NEB: variants seen among roughly 807,000 people sequenced by gnomAD.
NEB encodes the protein nebulin.
NEB carries 512 observed loss-of-function variants against 952.2 expected under a neutral mutation model. The ratio of observed to expected loss-of-function variants is 0.54; its 90% confidence interval spans 0.50 to 0.58. The LOEUF is 0.58. NEB is among the 20% of genes least tolerant of loss of function. NEB has a pLI of 0.00. For synonymous variants in NEB, 2,900 were observed against 3,149.8 expected, an observed-to-expected ratio of 0.92 and a Z score of 2.66; for missense variants, 8,428 against 9,231.1, an observed-to-expected ratio of 0.91 and a Z score of 3.56.
At chr2:151,512,019 C>CTTTTTTTTTTTTT (rs71403173) in intron 161 of NEB, among the ~76,000 whole-genome samples, 2 of 93,586 alleles carry the variant, frequency 2.1e-5, no homozygotes, top group African/African-American at 4.3e-5. Context: ...CCCTCTCACT[C>CTTTTTTTTTTTTT]TTTTTTTTTT....
At chr2:151,733,213 A>AT (rs1224850361) in intron 2 of NEB, 28 bp from the exon 3 acceptor site, 6 of 1,440,350 alleles carry the variant, frequency 4.2e-6, no homozygotes, top group Non-Finnish European at 5.8e-6. Context: ...AAATGAAAAC[A>AT]TATTAGAGTC....
intron 56 of NEB, among the ~76,000 whole-genome samples, 157 bp downstream of exon 56, chr2:151,644,311 C>A (rs2098925967): frequency 6.6e-6 from 1 of 152,190 alleles, no homozygotes; most frequent in Non-Finnish European, 1.5e-5. Context: ...ATAATAAATG[C>A]ATCCTTGATC....
chr2:151,680,647 C>T, intron 30 of NEB, 83 bp downstream of exon 30: 1 of 1,032,582 alleles, frequency 9.7e-7, no homozygotes, highest in Non-Finnish European at 1.5e-6. Context: ...TGTATAATAA[C>T]TAGAGGTGAT....
rs577883889 is a variant in NEB, at chr2:151,543,270, A to T, written c.20578-1719T>A. ...GATACCAAATAAATTCTAATCATGG[A>T]TATAAATACCAGTTGAACAGATAAA... On this transcript the variant is annotated intron_variant, in intron 135 of 181. Transcript: ENST00000397345. Among the ~76,000 whole-genome samples the T allele has an allele frequency of 2.1e-4, 32 of 152,354 alleles. No homozygotes were observed. The South Asian group carries it at 6.2e-3, about 30-fold the overall frequency.
chr2:151,650,177 T>G lies in NEB; in HGVS notation c.7430A>C (p.Asp2477Ala). The stretch of plus-strand genomic sequence containing the variant: ...ATTTATTTCCAGAGTGCTACTCACA[T>G]CACTCCTATTTTTGGCATTTGTCTT... ...LAKTNAKNRS[D>A]RLYREAWDKD... is the part of the protein sequence containing the mutation. The change falls in exon 54 of 182, where the codon GAT becomes GCT. Residue 2477 changes from aspartate to alanine, a missense_variant and splice_region_variant. Asp to Ala is a moderately radical substitution (Grantham distance 126). This residue lies in a region of NEB where 1,772 missense variants were observed against 1,960.3 expected (regional missense o/e 0.90). Transcript: ENST00000397345. 1 of 1,612,738 alleles carries G rather than the reference T, an allele frequency of 6.2e-7. No individual in the cohort carries two copies.
intron 34 of NEB, among the ~76,000 whole-genome samples, chr2:151,675,738 A>G (rs575199748): frequency 1.3e-5 from 2 of 151,946 alleles, no homozygotes; most frequent in Non-Finnish European, 2.9e-5. Context: ...CATTTTTGTT[A>G]GTTTCTATTT....
At chr2:151,499,575 T>G (rs1177609979) in intron 168 of NEB, 185 bp from the exon 169 acceptor site, 1 of 468,122 alleles carries the variant, frequency 2.1e-6, no homozygotes, top group African/African-American at 2.1e-5. Context: ...TAGTGAAATA[T>G]CAGTGTATTT....
Position 151,692,956 on chromosome 2 carries a change from C to T in NEB, c.1897-594G>A, listed in dbSNP as rs148205046. ...CTGCACCCCAGCCTGGATGACAGAG[C>T]GAGAGCCTGTCTCAAAAAACAAAGA... On this transcript the variant is annotated intron_variant, in intron 20 of 181. Coordinates refer to ENST00000397345, the MANE Select transcript of NEB (RefSeq NM_001164508.2). 7.3e-4 allele frequency among the ~76,000 whole-genome samples: 111 copies of T among 152,042 alleles called. No homozygotes were observed. The East Asian group carries it at 0.013, about 17-fold the overall frequency.
At chr2:151,687,882 T>G (rs1576375355) in intron 25 of NEB, 149 bp from the exon 26 acceptor site, 1 of 793,102 alleles carries the variant, frequency 1.3e-6, no homozygotes, top group East Asian at 2.7e-5. Flanking sequence ...TATTGATTTA[T>G]CTATCATCCA....
At position 151,543,314 on chromosome 2, in the gene NEB, C is replaced by T. The variant is rs563322824; in HGVS notation, c.20578-1763G>A. ...AGATAAAACGTAAGAAACACAGGCA[C>T]ACACATCAATTTCTTTAAATCTGAA... On this transcript the variant is annotated intron_variant, in intron 135 of 181. Coordinates refer to ENST00000397345, the MANE Select transcript of NEB (RefSeq NM_001164508.2). 2.0e-5 allele frequency among the ~76,000 whole-genome samples: 3 copies of T among 152,316 alleles called. No homozygotes were observed. In the South Asian group the frequency reaches 6.2e-4, roughly 32 times the overall value.
Position 151,506,966 on chromosome 2 carries a change from AACTGTAATTTTTCCTTT to A in NEB, c.23482_23498del (p.Lys7828CysfsTer23), listed in dbSNP as rs2069559480. The A allele has an allele frequency of 6.2e-7, 1 of 1,611,510 alleles. No individual in the cohort carries two copies. The highest frequency in any genetic ancestry group is 1.3e-5 in the African/African-American group (1 of 74,854). ...GCAGTATTTCTGGCGTGTCTTGAAC[AACTGTAATTTTTCCTTT>A]ACTGTTTTTAAGGTCACACTGGTAT... On this transcript the variant is annotated frameshift_variant, in exon 163 of 182. Transcript: ENST00000397345. LOFTEE classifies it high-confidence loss of function.
In NEB at chr2:151,656,308, G is replaced by A. The variant is rs1170184242; in HGVS notation, c.6340C>T (p.His2114Tyr). 2 of 1,613,548 alleles carry A rather than the reference G, an allele frequency of 1.2e-6. No individual in the cohort carries two copies. Among genetic ancestry groups the A allele is most frequent in the Non-Finnish European group, 1.7e-6 (2 of 1,179,742 alleles). Residue 2114 changes from histidine (H) to tyrosine (Y), a missense_variant, in exon 49 of 182, where the codon CAC becomes TAC. This residue lies in a region of NEB where 2,851 missense variants were observed against 2,791.5 expected (regional missense o/e 1.02). Transcript: ENST00000397345. The part of the protein sequence containing the change: ...KNYENTKTSY[H>Y]TPADMLSVTA... Reference sequence around the variant, plus strand: ...ACACTGAGCATGTCGGCAGGGGTGTGGTAGCTGGTCTTTGTGTTCTCATAG... The same window carrying A: ...ACACTGAGCATGTCGGCAGGGGTGTAGTAGCTGGTCTTTGTGTTCTCATAG...
intron 27 of NEB, among the ~76,000 whole-genome samples, 159 bp downstream of exon 27, chr2:151,687,260 A>G (rs1251716417): frequency 6.6e-6 from 1 of 152,206 alleles, no homozygotes; most frequent in Non-Finnish European, 1.5e-5. Context: ...GGGAGGCACA[A>G]TAATCCAGGG....
intron 166 of NEB, 70 bp downstream of exon 166, chr2:151,503,279 T>TA: frequency 1.7e-6 from 2 of 1,184,348 alleles, no homozygotes; most frequent in Non-Finnish European, 2.5e-6. Context: ...TTACTTTCTT[T>TA]AAAAAAGATG....
At chr2:151,694,893 T>C (rs948351656) in intron 18 of NEB, among the ~76,000 whole-genome samples, 13 of 152,214 alleles carry the variant, frequency 8.5e-5, no homozygotes, top group Non-Finnish European at 1.6e-4. Context: ...TTCCTAACAC[T>C]GAATGTTTTA....
intron 9 of NEB, among the ~76,000 whole-genome samples, chr2:151,720,110 A>G (rs2099770217): frequency 6.6e-6 from 1 of 151,970 alleles, no homozygotes; most frequent in South Asian, 2.1e-4. Context: ...TTCTGTTGTT[A>G]TGGAGAATAA....
chr2:151,676,789 C>T (rs1272983712), intron 34 of NEB, among the ~76,000 whole-genome samples: 1 of 152,150 alleles, frequency 6.6e-6, no homozygotes, highest in Non-Finnish European at 1.5e-5. Flanking sequence ...GATGACAATG[C>T]TCTGTTTGTA....
intron 13 of NEB, among the ~76,000 whole-genome samples, chr2:151,702,286 G>T (rs988738733): frequency 6.6e-6 from 1 of 151,918 alleles, no homozygotes; most frequent in African/African-American, 2.4e-5. Flanking sequence ...TTACTTCCAA[G>T]TATGTGGTCA....
chr2:151,650,961 T>G, intron 52 of NEB, 76 bp from the exon 53 acceptor site: 1 of 1,388,518 alleles, frequency 7.2e-7, no homozygotes, highest in Non-Finnish European at 9.7e-7. Flanking sequence ...TTTCTTTTCT[T>G]TCTTTCTTTT....
Sources: gnomAD v4.1 joint callset for allele counts (sites outside exome capture counted in the v4.1 genomes callset) on GRCh38, gnomAD v4.1.1 for gene constraint, gnomAD v4.1.1 regional missense constraint, MANE v1.5 for transcripts, NCBI Gene and HGNC (gene_info 2026-07-23, HGNC 2026-07-21) for gene names.